The following ATF7 variants were observed in gnomAD, a reference collection of about 807,000 sequenced individuals.
The protein encoded by ATF7 is cyclic AMP-dependent transcription factor ATF-7.
Under a neutral mutation model 50.4 loss-of-function variants are expected in ATF7, and 10 were observed. The observed-to-expected ratio is 0.20, with a 90% CI of 0.12 to 0.34. The LOEUF (loss-of-function observed/expected upper bound fraction) is 0.34. ATF7 is among the 10% of genes least tolerant of loss of function. ATF7 has a pLI of 1.00. For synonymous variants in ATF7, 201 were observed against 226.4 expected, an observed-to-expected ratio of 0.89 and a Z score of 1.01; for missense variants, 465 against 613.9, an observed-to-expected ratio of 0.76 and a Z score of 2.56.
intron 1 of ATF7, among the ~76,000 whole-genome samples, chr12:53,612,267 T>C (rs892045076): frequency 6.7e-6 from 1 of 150,188 alleles, no homozygotes; most frequent in Non-Finnish European, 1.5e-5. Flanking sequence ...TGAGCCACCG[T>C]GCCTGGCAGC....
At chr12:53,552,824 G>A (rs946075278) in intron 2 of ATF7, among the ~76,000 whole-genome samples, 187 bp from the exon 3 acceptor site, 23 of 152,092 alleles carry the variant, frequency 1.5e-4, no homozygotes, top group Non-Finnish European at 3.2e-4. Context: ...AGGGAGAAGA[G>A]GAGATGGGGA....
chr12:53,577,717 G>GAAAAA (rs747036727), intron 2 of ATF7, among the ~76,000 whole-genome samples: 2 of 96,296 alleles, frequency 2.1e-5, no homozygotes, highest in East Asian at 3.0e-4. Flanking sequence ...CTCCGTCTCT[G>GAAAAA]AAAAAAAAAA....
At chr12:53,520,512 G>A (rs1174988243) in intron 11 of ATF7, among the ~76,000 whole-genome samples, 2 of 151,984 alleles carry the variant, frequency 1.3e-5, no homozygotes, top group Non-Finnish European at 2.9e-5. Context: ...GGGAGACAGA[G>A]GTGGACCCTG....
chr12:53,551,665 G>A (rs1003154926), intron 3 of ATF7, among the ~76,000 whole-genome samples: 2 of 152,196 alleles, frequency 1.3e-5, no homozygotes, highest in African/African-American at 4.8e-5. Flanking sequence ...AGTATGATGA[G>A]GAAGTTCTGT....
chr12:53,612,724 C>T (rs940906152), intron 1 of ATF7, among the ~76,000 whole-genome samples: 1 of 152,138 alleles, frequency 6.6e-6, no homozygotes, highest in Non-Finnish European at 1.5e-5. Flanking sequence ...AGGTGGCTGG[C>T]TGGGCGCAGT....
chr12:53,509,723 C>T (rs974343704), downstream of ATF7, among the ~76,000 whole-genome samples: 2 of 151,998 alleles, frequency 1.3e-5, no homozygotes, highest in African/African-American at 4.8e-5. Flanking sequence ...CCAGGCTGGT[C>T]TTGAACTCCT....
chr12:53,566,329 A>G (rs1941443119), intron 2 of ATF7, among the ~76,000 whole-genome samples: 1 of 152,196 alleles, frequency 6.6e-6, no homozygotes, highest in African/African-American at 2.4e-5. Flanking sequence ...TGAGGAAGAC[A>G]TTATTGGTTT....
intron 4 of ATF7, chr12:53,543,048 TATAA>T: frequency 7.7e-7 from 1 of 1,297,426 alleles, no homozygotes; most frequent in African/African-American, 1.5e-5. Context: ...ATATTTATAA[TATAA>T]ATATTTTTTA....
At chr12:53,520,428 AT>A (rs1379250698) in intron 11 of ATF7, among the ~76,000 whole-genome samples, 1 of 152,116 alleles carries the variant, frequency 6.6e-6, no homozygotes, top group Non-Finnish European at 1.5e-5. Context: ...ACAAAAAAAA[AT>A]TAGCTGGGCA....
intron 2 of ATF7, among the ~76,000 whole-genome samples, chr12:53,594,938 A>T (rs1478685359): frequency 6.6e-6 from 1 of 152,028 alleles, no homozygotes; most frequent in Admixed American, 6.6e-5. Context: ...TGTCTATATG[A>T]TACGTAAGAG....
intron 2 of ATF7, among the ~76,000 whole-genome samples, chr12:53,582,776 G>A (rs1015396684): frequency 6.6e-6 from 1 of 151,940 alleles, no homozygotes; most frequent in Non-Finnish European, 1.5e-5. Flanking sequence ...TAGTAGAGAC[G>A]GGATTTCACC....
intron 3 of ATF7, 104 bp from the exon 4 acceptor site, chr12:53,543,552 A>ATCT: frequency 7.7e-7 from 1 of 1,290,416 alleles, no homozygotes; most frequent in East Asian, 2.5e-5. Context: ...TGATTTGGAG[A>ATCT]GAGAGTCTTT....
At chr12:53,523,162 A>C in intron 11 of ATF7, 114 bp downstream of exon 11, 1 of 778,954 alleles carries the variant, frequency 1.3e-6, no homozygotes, top group Admixed American at 2.4e-5. Flanking sequence ...CTCACTCATC[A>C]GCGTGGGGTC....
intron 9 of ATF7, among the ~76,000 whole-genome samples, chr12:53,526,960 A>AC (rs1055746165): frequency 9.3e-5 from 14 of 149,846 alleles, no homozygotes; most frequent in African/African-American, 3.5e-4. Flanking sequence ...GAAGTTCAAG[A>AC]CCAGCCTGGC....
chr12:53,585,137 T>C (rs1942614063), intron 2 of ATF7, among the ~76,000 whole-genome samples: 1 of 152,100 alleles, frequency 6.6e-6, no homozygotes, highest in South Asian at 2.1e-4. Flanking sequence ...CACACCTGGC[T>C]AATTTTTAAT....
chr12:53,597,234 A>G (rs908048826), intron 2 of ATF7, among the ~76,000 whole-genome samples: 1 of 152,150 alleles, frequency 6.6e-6, no homozygotes, highest in Admixed American at 6.5e-5. Flanking sequence ...GCTGTGTCAC[A>G]TCAGACTTAC....
intron 2 of ATF7, among the ~76,000 whole-genome samples, chr12:53,590,233 C>T (rs1243173232): frequency 2.0e-5 from 3 of 152,202 alleles, no homozygotes. Context: ...TAGCCAATAT[C>T]ACAGTCGTCA....
At chr12:53,598,079 C>G (rs1426395823) in intron 2 of ATF7, among the ~76,000 whole-genome samples, 1 of 152,120 alleles carries the variant, frequency 6.6e-6, no homozygotes, top group Non-Finnish European at 1.5e-5. Context: ...AAACCATTCT[C>G]AAGGGATATT....
chr12:53,573,507 C>T (rs150101807), intron 2 of ATF7, among the ~76,000 whole-genome samples: 408 of 152,156 alleles, frequency 2.7e-3, no homozygotes, highest in African/African-American at 9.3e-3. Flanking sequence ...TTAAGTTTTG[C>T]CTTTTTGAAT....
Sources: allele counts gnomAD v4.1 joint callset (sites outside exome capture counted in the v4.1 genomes callset), GRCh38; gene constraint gnomAD v4.1.1; transcripts MANE v1.5; gene names NCBI Gene and HGNC (gene_info 2026-07-23, HGNC 2026-07-21).